SLC4A1AP: variants seen among roughly 807,000 people sequenced by gnomAD.
SLC4A1AP encodes solute carrier family 4 member 1 adaptor protein.
SLC4A1AP carries 64 observed loss-of-function variants against 89.7 expected under a neutral mutation model. The ratio of observed to expected loss-of-function variants is 0.71; its 90% CI spans 0.58 to 0.88. The LOEUF (loss-of-function observed/expected upper bound fraction) is 0.88, where lower values mean the gene tolerates loss of function less well. Ranked by LOEUF, SLC4A1AP falls within the 40% of genes least tolerant of loss-of-function variation. The pLI, the probability that SLC4A1AP is intolerant of heterozygous loss-of-function variation, is 0.00. For missense variants in SLC4A1AP, 931 were observed against 965.0 expected (o/e 0.96, Z 0.47); for synonymous variants, 366 against 353.3 (o/e 1.04, Z -0.40).
rs1298580113 is a variant in SLC4A1AP, at chr2:27,668,920, T to C, written c.1205+17T>C. ...CAGGGTGAGGTATGCTCTTTTCTTA[T>C]TAATGTTCTTTTCTGGAAAATGGCC... On this transcript the variant is annotated intron_variant, in intron 4 of 13. Transcript: ENST00000613058. The C allele has an allele frequency of 1.9e-6, 3 of 1,611,422 alleles. No individual in the cohort carries two copies. The highest frequency in any genetic ancestry group is 2.5e-6 in the Non-Finnish European group (3 of 1,178,344).
chr2:27,666,855 CTA>C (rs759152205), intron 2 of SLC4A1AP, among the ~76,000 whole-genome samples: 19,898 of 127,140 alleles, frequency 0.16, 1,418 homozygotes, highest in Non-Finnish European at 0.2. Flanking sequence ...CACAGATAAA[CTA>C]TATATATATA....
chr2:27,667,405 T>A lies in SLC4A1AP; in HGVS notation c.1144+15T>A. ...TGACCGAGAAGGTATGTAAACAGAT[T>A]CTGACCCTACCACTAAAACATATCC... On this transcript the variant is annotated intron_variant, in intron 3 of 13. Transcript: ENST00000613058. 1 of 1,607,136 alleles carries A rather than the reference T, an allele frequency of 6.2e-7. No homozygotes were observed. The highest frequency in any genetic ancestry group is 8.5e-7 in the Non-Finnish European group (1 of 1,177,394).
exon 5 of SLC4A1AP, chr2:27,669,346 G>C: frequency 6.2e-7 from 1 of 1,613,396 alleles, no homozygotes; most frequent in South Asian, 1.1e-5. Context: ...TTGGAAGCTT[G>C]TCGGATTCTT....
intron 9 of SLC4A1AP, 106 bp from the exon 10 acceptor site, chr2:27,684,931 T>C (rs544272693): frequency 9.9e-5 from 135 of 1,358,758 alleles, no homozygotes; most frequent in Non-Finnish European, 1.2e-4. Context: ...TTCATCAACC[T>C]AAAAAGAGTA....
chr2:27,681,704 C>G (rs1675622663), intron 8 of SLC4A1AP, among the ~76,000 whole-genome samples: 1 of 152,160 alleles, frequency 6.6e-6, no homozygotes, highest in Admixed American at 6.5e-5. Flanking sequence ...CTTAGCTTTT[C>G]TAACTATCTC....
At chr2:27,677,422 C>T in intron 7 of SLC4A1AP, 58 bp downstream of exon 7, 2 of 1,159,314 alleles carry the variant, frequency 1.7e-6, no homozygotes, top group Non-Finnish European at 2.6e-6. Flanking sequence ...ATGCTAGGCA[C>T]TGGGGCTACA....
rs1290873727 is a variant in SLC4A1AP, at chr2:27,676,659, T to TA, written c.1507-623dup. 8.8e-3 allele frequency among the ~76,000 whole-genome samples: 1,237 copies of TA among 140,568 alleles called. 22 individuals are homozygous for TA. The highest frequency in any genetic ancestry group is 0.028 in the African/African-American group (1,086 of 38,372). The allele number at this position is 140,568 out of a possible 152,430, so 92.2% of individuals were successfully genotyped here. On this transcript the variant is annotated intron_variant, in intron 6 of 13. Coordinates refer to ENST00000613058, the Ensembl canonical transcript of SLC4A1AP. Reference sequence around the variant, plus strand: ...CAATGTGGTGAAACCCCACCTCTACTAAAAAAAAAAAAATACAAAAATTAG... The same window carrying TA: ...CAATGTGGTGAAACCCCACCTCTACTAAAAAAAAAAAAAATACAAAAATTAG...
chr2:27,677,155 G>T, intron 6 of SLC4A1AP, 140 bp from the exon 7 acceptor site: 1 of 680,748 alleles, frequency 1.5e-6, no homozygotes, highest in Non-Finnish European at 2.6e-6. Context: ...AAAAAAAAGT[G>T]TTAACTCCAT....
At position 27,674,900 on chromosome 2, in the gene SLC4A1AP, C is replaced by T. The variant is rs13385669; in HGVS notation, c.1346-632C>T. On this transcript the variant is annotated intron_variant, in intron 5 of 13. Coordinates refer to ENST00000613058, the Ensembl canonical transcript of SLC4A1AP. Reference sequence around the variant, plus strand: ...CTAATTTTTGTATTTTTAGTAGAGACGGGGTTTCACCATGTTGGTGAGGCT... The same window carrying T: ...CTAATTTTTGTATTTTTAGTAGAGATGGGGTTTCACCATGTTGGTGAGGCT... 8.8e-3 allele frequency among the ~76,000 whole-genome samples: 1,342 copies of T among 152,030 alleles called. 19 individuals carry two copies. The highest frequency in any genetic ancestry group is 0.03 in the African/African-American group (1,236 of 41,484).
intron 8 of SLC4A1AP, among the ~76,000 whole-genome samples, chr2:27,678,353 C>T (rs1031510369): frequency 1.3e-5 from 2 of 151,970 alleles, no homozygotes; most frequent in Non-Finnish European, 2.9e-5. Context: ...GGTGATATGG[C>T]ACAACCCTAT....
At chr2:27,690,666 T>G (rs1675775025) in intron 12 of SLC4A1AP, among the ~76,000 whole-genome samples, 1 of 152,046 alleles carries the variant, frequency 6.6e-6, no homozygotes, top group East Asian at 1.9e-4. Flanking sequence ...TTTGTGGGTT[T>G]TTTTGTAGAA....
intron 5 of SLC4A1AP, among the ~76,000 whole-genome samples, chr2:27,673,714 G>C (rs1675468149): frequency 6.6e-6 from 1 of 152,082 alleles, no homozygotes; most frequent in Non-Finnish European, 1.5e-5. Flanking sequence ...GGTTTATTGG[G>C]ATTTAGGGAA....
At chr2:27,663,974 C>T (rs1164020187) in exon 1 of SLC4A1AP, 3 of 1,614,240 alleles carry the variant, frequency 1.9e-6, no homozygotes, top group Non-Finnish European at 2.5e-6. Context: ...GTGGGGACTT[C>T]AAGAAGCCAG....
At chr2:27,671,969 A>C (rs1435961815) in intron 5 of SLC4A1AP, among the ~76,000 whole-genome samples, 1 of 152,262 alleles carries the variant, frequency 6.6e-6, no homozygotes, top group Admixed American at 6.5e-5. Flanking sequence ...TCTAAGTTGG[A>C]AACAATTTTT....
exon 14 of SLC4A1AP, chr2:27,694,959 GA>G (rs1263913245): frequency 1.3e-5 from 4 of 305,044 alleles, no homozygotes; most frequent in African/African-American, 8.7e-5. Flanking sequence ...ATTAAAATAA[GA>G]AGGCAAAAAT....
In SLC4A1AP at chr2:27,668,848, G is replaced by T; in HGVS notation, c.1150G>T (p.Glu384Ter). 1.2e-6 allele frequency: 2 copies of T among 1,613,946 alleles called. No homozygotes were observed. The highest frequency in any genetic ancestry group is 1.1e-5 in the South Asian group (1 of 91,076). The change falls in exon 4 of 14, where the codon GAA becomes TAA. Residue 384 changes from glutamate (E) to a stop codon, truncating the protein, a stop_gained. Transcript: ENST00000613058. LOFTEE classifies it high-confidence loss of function. ...TGTCTGTCTTTCTCCCACAGGAGAA[G>T]AATTAGAATATGAATTTGATGAACA...
chr2:27,678,590 C>T (rs140085768), intron 8 of SLC4A1AP, among the ~76,000 whole-genome samples: 1 of 152,104 alleles, frequency 6.6e-6, no homozygotes, highest in African/African-American at 2.4e-5. Flanking sequence ...GACAGCCAAC[C>T]ACCCAGGAGA....
chr2:27,690,400 A>G (rs1324182178), intron 12 of SLC4A1AP, among the ~76,000 whole-genome samples: 1 of 152,116 alleles, frequency 6.6e-6, no homozygotes, highest in Non-Finnish European at 1.5e-5. Context: ...GTGAGAACAT[A>G]TGGTATTTGG....
Position 27,667,249 on chromosome 2 carries a change from T to C in SLC4A1AP, c.1022-19T>C, listed in dbSNP as rs777218271. On this transcript the variant is annotated intron_variant, in intron 2 of 13. Coordinates refer to ENST00000613058, the Ensembl canonical transcript of SLC4A1AP. Reference sequence around the variant, plus strand: ...TTCTCATGTCTGATTATCTTTTCTTTCTTTTCCATATCCTGTAGGAGAAGA... The same window carrying C: ...TTCTCATGTCTGATTATCTTTTCTTCCTTTTCCATATCCTGTAGGAGAAGA... 4.4e-6 allele frequency: 7 copies of C among 1,594,824 alleles called. No individual in the cohort carries two copies. Among genetic ancestry groups the C allele is most frequent in the African/African-American group, 1.4e-5 (1 of 73,590 alleles).
Sources: allele counts gnomAD v4.1 joint callset (sites outside exome capture counted in the v4.1 genomes callset), GRCh38; gene constraint gnomAD v4.1.1; transcripts MANE v1.5; gene names NCBI Gene and HGNC (gene_info 2026-07-23, HGNC 2026-07-21).